The following AP2B1 variants were observed in gnomAD, a reference collection of about 807,000 sequenced individuals.
AP2B1 encodes the protein AP-2 complex subunit beta.
AP2B1 carries 23 observed loss-of-function variants against 102.0 expected under a neutral mutation model. That is an observed-to-expected ratio of 0.23 (90% CI 0.16 to 0.32). The LOEUF is 0.32. Ranked by LOEUF, AP2B1 falls within the 10% of genes least tolerant of loss-of-function variation. AP2B1 has a pLI of 1.00. For synonymous variants in AP2B1, 381 were observed against 421.2 expected, an observed-to-expected ratio of 0.90 and a Z score of 1.17; for missense variants, 541 against 1,157.4, an observed-to-expected ratio of 0.47 and a Z score of 7.73.
chr17:35,670,974 G>T, intron 15 of AP2B1, 76 bp downstream of exon 15: 1 of 1,463,686 alleles, frequency 6.8e-7, no homozygotes, highest in South Asian at 1.1e-5. Flanking sequence ...CACATTATCA[G>T]ACCAGCCACT....
intron 17 of AP2B1, among the ~76,000 whole-genome samples, chr17:35,677,085 G>A (rs2075718680): frequency 6.6e-6 from 1 of 152,114 alleles, no homozygotes; most frequent in Admixed American, 6.6e-5. Context: ...AAATTCCTGG[G>A]CTTAAGTGAT....
intron 18 of AP2B1, among the ~76,000 whole-genome samples, chr17:35,690,632 C>G (rs587764574): frequency 6.6e-6 from 1 of 152,262 alleles, no homozygotes; most frequent in Non-Finnish European, 1.5e-5. Context: ...TTTTAACACT[C>G]TCCTCCTCTC....
chr17:35,668,126 C>T (rs1045107211), intron 14 of AP2B1, among the ~76,000 whole-genome samples: 2 of 151,800 alleles, frequency 1.3e-5, no homozygotes, highest in African/African-American at 2.4e-5. Context: ...TTAGTAGAGA[C>T]GGGTTTCACC....
intron 1 of AP2B1, among the ~76,000 whole-genome samples, chr17:35,591,620 G>A (rs1344368800): frequency 6.6e-6 from 1 of 152,182 alleles, no homozygotes; most frequent in Non-Finnish European, 1.5e-5. Context: ...TAATGGATTT[G>A]AGCTATAGTC....
chr17:35,657,758 A>G lies in AP2B1; in HGVS notation c.1956A>G (p.Ala652=), dbSNP rs2075266626. The G allele has an allele frequency of 1.2e-6, 2 of 1,613,924 alleles. No individual in the cohort carries two copies. Among genetic ancestry groups the G allele is most frequent in the Non-Finnish European group, 1.7e-6 (2 of 1,179,936 alleles). ...AGGTGTCCTCCATGCAGATGGGAGC[A>G]GTGGATCTCCTAGGAGGAGGACTAG... is the stretch of plus-strand genomic sequence containing the variant. The part of the protein sequence containing the change: ...VPQVSSMQMG[A]VDLLGGGLDS... Residue 652 remains alanine (A), a synonymous_variant, in exon 14 of 22, where the codon GCA becomes GCG. Coordinates refer to ENST00000610402, the MANE Select transcript of AP2B1 (RefSeq NM_001030006.2).
At chr17:35,619,481 T>A (rs1310695378) in intron 5 of AP2B1, among the ~76,000 whole-genome samples, 5 of 148,880 alleles carry the variant, frequency 3.4e-5, no homozygotes, top group African/African-American at 4.9e-5. Flanking sequence ...TGTTTCTATT[T>A]AAAAAAAAAA....
At chr17:35,639,531 C>T in intron 10 of AP2B1, 64 bp from the exon 11 acceptor site, 2 of 1,481,600 alleles carry the variant, frequency 1.3e-6, no homozygotes, top group Non-Finnish European at 1.8e-6. Flanking sequence ...TTGCCTTTAG[C>T]CTTCACTGTT....
intron 5 of AP2B1, among the ~76,000 whole-genome samples, chr17:35,610,907 CAAA>C (rs566884121): frequency 1.5e-5 from 2 of 134,414 alleles, no homozygotes; most frequent in Non-Finnish European, 1.6e-5. Flanking sequence ...ACTCTTGTCT[CAAA>C]AAAAAAAAAA....
chr17:35,722,370 G>GTT (rs202023875), intron 21 of AP2B1, among the ~76,000 whole-genome samples: 2 of 151,866 alleles, frequency 1.3e-5, no homozygotes, highest in Admixed American at 1.3e-4. Context: ...AGTTGTTTTG[G>GTT]TTTTTTTTAC....
At chr17:35,690,606 A>AT (rs1464420139) in intron 18 of AP2B1, among the ~76,000 whole-genome samples, 1 of 152,116 alleles carries the variant, frequency 6.6e-6, no homozygotes, top group Non-Finnish European at 1.5e-5. Context: ...TCCTATTGAC[A>AT]TCTTAATCCT....
At chr17:35,708,159 C>T (rs587617208) in intron 18 of AP2B1, among the ~76,000 whole-genome samples, 6 of 152,288 alleles carry the variant, frequency 3.9e-5, no homozygotes, top group Admixed American at 3.9e-4. Context: ...ACTAGATAAG[C>T]ACTTTTTAAC....
intron 18 of AP2B1, among the ~76,000 whole-genome samples, chr17:35,706,455 T>C (rs926483022): frequency 6.6e-6 from 1 of 152,224 alleles, no homozygotes; most frequent in Non-Finnish European, 1.5e-5. Flanking sequence ...AATTATTTCA[T>C]GTAGGGTAGG....
At chr17:35,616,930 C>T (rs549559217) in intron 5 of AP2B1, among the ~76,000 whole-genome samples, 2 of 152,256 alleles carry the variant, frequency 1.3e-5, no homozygotes, top group African/African-American at 4.8e-5. Context: ...TCCTCATCTA[C>T]AAAGTGGAGA....
chr17:35,654,254 G>A (rs995861964), intron 13 of AP2B1, among the ~76,000 whole-genome samples: 1 of 151,798 alleles, frequency 6.6e-6, no homozygotes. Context: ...AGTAGAGACC[G>A]GGTTTCACAA....
At chr17:35,674,371 G>GAA (rs2075654097) in intron 17 of AP2B1, 50 bp downstream of exon 17, 1 of 1,600,006 alleles carries the variant, frequency 6.2e-7, no homozygotes, top group African/African-American at 1.3e-5. Context: ...GTTTGCCTTA[G>GAA]AACCAACAAG....
Position 35,682,677 on chromosome 17 carries a change from A to G in AP2B1, c.2325-18A>G. 1 of 1,600,418 alleles carries G rather than the reference A, an allele frequency of 6.2e-7. No homozygotes were observed. Among genetic ancestry groups the G allele is most frequent in the African/African-American group, 1.3e-5 (1 of 74,256 alleles). The stretch of plus-strand genomic sequence containing the variant: ...GCCTCTTGATTAACCTCTGTGATTT[A>G]TGTATCCTCTCTTCTAGCTTTGGTG... On this transcript the variant is annotated intron_variant, in intron 17 of 21. Coordinates refer to ENST00000610402, the MANE Select transcript of AP2B1 (RefSeq NM_001030006.2).
chr17:35,680,284 A>G (rs1393994200), intron 17 of AP2B1, among the ~76,000 whole-genome samples: 5 of 152,226 alleles, frequency 3.3e-5, no homozygotes, highest in African/African-American at 1.2e-4. Flanking sequence ...TATAAATTCA[A>G]TATAAATTTG....
intron 2 of AP2B1, among the ~76,000 whole-genome samples, chr17:35,594,332 T>C (rs1286734645): frequency 6.6e-6 from 1 of 152,208 alleles, no homozygotes; most frequent in South Asian, 2.1e-4. Context: ...AGATGATCCA[T>C]TGGAGATTGG....
At position 35,723,810 on chromosome 17, in the gene AP2B1, G is replaced by C. The variant is rs2085471853; in HGVS notation, c.*111G>C. 2 of 776,098 alleles carry C rather than the reference G, an allele frequency of 2.6e-6. No individual in the cohort carries two copies. Among genetic ancestry groups the C allele is most frequent in the South Asian group, 3.1e-5 (2 of 64,806 alleles). 48.1% of individuals were successfully genotyped at this position (776,098 alleles called of 1,614,324 possible). On this transcript the variant is annotated 3_prime_UTR_variant, in exon 22 of 22. Transcript: ENST00000610402. ...AATCTGAACACACTGAGGCCACCTAGCAAGGTAGTAACTAGTCTAACCTGT... is the reference window on the plus strand; with the variant it reads ...AATCTGAACACACTGAGGCCACCTACCAAGGTAGTAACTAGTCTAACCTGT...
Sources: allele counts gnomAD v4.1 joint callset (sites outside exome capture counted in the v4.1 genomes callset), GRCh38; gene constraint gnomAD v4.1.1; transcripts MANE v1.5; gene names NCBI Gene and HGNC (gene_info 2026-07-23, HGNC 2026-07-21).